Variants in TRPM1 observed in about 807,000 individuals in gnomAD.
TRPM1 encodes transient receptor potential cation channel subfamily M member 1.
A neutral mutation model predicts 149.4 loss-of-function variants in TRPM1; 113 were observed. The observed-to-expected ratio is 0.76, with a 90% CI of 0.65 to 0.88. TRPM1 has a LOEUF of 0.88. Ranked by LOEUF, TRPM1 falls within the 40% of genes least tolerant of loss-of-function variation. The pLI is 0.00. For missense variants in TRPM1, 1,976 were observed against 2,038.7 expected, an observed-to-expected ratio of 0.97 and a Z score of 0.59; for synonymous variants, 741 against 759.5, an observed-to-expected ratio of 0.98 and a Z score of 0.40.
chr15:31,010,529 T>G (rs548215655), intron 27 of TRPM1, among the ~76,000 whole-genome samples: 3 of 152,362 alleles, frequency 2.0e-5, no homozygotes, highest in Admixed American at 2.0e-4. Context: ...TCTTCTTTGA[T>G]CTATTGATTA....
At chr15:31,024,619 C>A (rs1299052833) in intron 27 of TRPM1, among the ~76,000 whole-genome samples, 1 of 152,116 alleles carries the variant, frequency 6.6e-6, no homozygotes, top group Non-Finnish European at 1.5e-5. Context: ...CACACTCTTG[C>A]AGCTTTGGTC....
intron 12 of TRPM1, 28 bp from the exon 13 acceptor site, chr15:31,049,537 T>A (rs774968416): frequency 6.2e-7 from 1 of 1,612,726 alleles, no homozygotes; most frequent in Non-Finnish European, 8.5e-7. Context: ...CGGGAGCCTG[T>A]GAGTGGCCTC....
chr15:31,077,240 C>T (rs777308621), intron 2 of TRPM1, among the ~76,000 whole-genome samples: 6 of 152,156 alleles, frequency 3.9e-5, no homozygotes, highest in African/African-American at 7.2e-5. Flanking sequence ...TTTTTGTGCA[C>T]GGTTCTGGGG....
At chr15:31,116,884 C>T (rs1348098013) in intron 1 of TRPM1, among the ~76,000 whole-genome samples, 1 of 152,170 alleles carries the variant, frequency 6.6e-6, no homozygotes, top group African/African-American at 2.4e-5. Context: ...ATTTACCTCA[C>T]TTCTTCTTAT....
intron 1 of TRPM1, among the ~76,000 whole-genome samples, chr15:31,114,096 A>G (rs1185816187): frequency 6.6e-6 from 1 of 152,128 alleles, no homozygotes; most frequent in South Asian, 2.1e-4. Context: ...CCAAGTCCCC[A>G]CTGGACACAG....
chr15:31,051,461 G>A (rs2033947471), intron 11 of TRPM1, among the ~76,000 whole-genome samples: 1 of 152,198 alleles, frequency 6.6e-6, no homozygotes. Context: ...TGAGAACTGT[G>A]CTGGTGCCTG....
At chr15:31,069,883 GAT>G in intron 4 of TRPM1, 146 bp downstream of exon 4, 3 of 1,599,518 alleles carry the variant, frequency 1.9e-6, no homozygotes, top group Non-Finnish European at 2.5e-6. Flanking sequence ...CATGTGCACA[GAT>G]ATATCTCTTG....
At chr15:31,046,154 G>T in intron 16 of TRPM1, 50 bp downstream of exon 16, 1 of 1,576,454 alleles carries the variant, frequency 6.3e-7, no homozygotes, top group Non-Finnish European at 8.7e-7. Flanking sequence ...AAAGGGCTAT[G>T]TATATTTGAC....
chr15:31,127,733 G>A (rs529993254), intron 1 of TRPM1, among the ~76,000 whole-genome samples: 1 of 152,286 alleles, frequency 6.6e-6, no homozygotes, highest in African/African-American at 2.4e-5. Flanking sequence ...TGGGTGGAAG[G>A]GGTGGAGGGT....
At position 31,026,135 on chromosome 15, in the gene TRPM1, G is replaced by C. The variant is rs768889606; in HGVS notation, c.3629+4C>G. On this transcript the variant is annotated splice_donor_region_variant and intron_variant, in intron 27 of 27. Coordinates refer to ENST00000256552, the MANE Select transcript of TRPM1 (RefSeq NM_001252024.2). ...CGGGCCCGCGGTGGGGACGCTACAC[G>C]TACCTTTCAGAAGTGACCCGGATGC... The C allele has an allele frequency of 5.0e-6, 8 of 1,610,958 alleles. No homozygotes were observed. Among genetic ancestry groups the C allele is most frequent in the Non-Finnish European group, 6.8e-6 (8 of 1,180,016 alleles).
intron 1 of TRPM1, among the ~76,000 whole-genome samples, chr15:31,118,966 G>T (rs750220998): frequency 6.6e-6 from 1 of 152,108 alleles, no homozygotes; most frequent in Non-Finnish European, 1.5e-5. Context: ...CTGGCCAGGC[G>T]CAGTGGTTCA....
chr15:31,093,307 A>G (rs1013339368), intron 1 of TRPM1, among the ~76,000 whole-genome samples: 2 of 151,348 alleles, frequency 1.3e-5, no homozygotes, highest in African/African-American at 2.4e-5. Flanking sequence ...GCTCCCAAAG[A>G]ATCCACAAAA....
chr15:31,100,202 G>A (rs112033309), intron 1 of TRPM1, among the ~76,000 whole-genome samples: 190 of 151,280 alleles, frequency 1.3e-3, no homozygotes, highest in African/African-American at 4.3e-3. Context: ...TCAGCCTCTC[G>A]AGTAGCTGGG....
At chr15:31,007,404 A>G (rs2095197604) in intron 27 of TRPM1, among the ~76,000 whole-genome samples, 1 of 152,186 alleles carries the variant, frequency 6.6e-6, no homozygotes, top group Non-Finnish European at 1.5e-5. Context: ...GTAGCTTCAC[A>G]GTAAGCCTTA....
At chr15:31,069,725 T>C (rs2034478498) in intron 4 of TRPM1, 3 of 1,424,856 alleles carry the variant, frequency 2.1e-6, no homozygotes, top group Non-Finnish European at 2.7e-6. Context: ...AATGAATTTG[T>C]CTTCCTTTAC....
intron 27 of TRPM1, among the ~76,000 whole-genome samples, chr15:31,007,326 G>T (rs1014627240): frequency 1.3e-5 from 2 of 151,950 alleles, no homozygotes; most frequent in African/African-American, 4.8e-5. Context: ...TCTACTCCCG[G>T]ACTCTTTATT....
At position 31,129,777 on chromosome 15, in the gene TRPM1, T is replaced by C. The variant is rs74500586; in HGVS notation, c.54+31129A>G. Among the ~76,000 whole-genome samples the C allele has an allele frequency of 7.1e-3, 1,083 of 152,306 alleles. 11 individuals are homozygous for C. The highest frequency in any genetic ancestry group is 0.024 in the African/African-American group (1,005 of 41,556). On this transcript the variant is annotated intron_variant, in intron 1 of 26. Coordinates refer to the TRPM1 transcript ENST00000542188. The stretch of plus-strand genomic sequence containing the variant: ...CTGACACCCGTGTGTGGTTCCCTCC[T>C]TGCCCAGGTATTACAGAACACTGGA...
At chr15:31,153,410 C>T (rs939099732) in intron 1 of TRPM1, among the ~76,000 whole-genome samples, 36 of 152,144 alleles carry the variant, frequency 2.4e-4, no homozygotes, top group Non-Finnish European at 1.0e-4. Context: ...CTGCAACCTC[C>T]GCCTCCCAGG....
At chr15:31,156,353 C>T (rs764382694) in intron 1 of TRPM1, among the ~76,000 whole-genome samples, 3 of 152,016 alleles carry the variant, frequency 2.0e-5, no homozygotes, top group Non-Finnish European at 4.4e-5. Flanking sequence ...CTTCTAGGCC[C>T]TCCCACTGCT....
Sources: gnomAD v4.1 joint callset for allele counts (sites outside exome capture counted in the v4.1 genomes callset) on GRCh38, gnomAD v4.1.1 for gene constraint, MANE v1.5 for transcripts, NCBI Gene and HGNC (gene_info 2026-07-23, HGNC 2026-07-21) for gene names.